Variants in ARK2N observed in about 807,000 individuals in gnomAD.
ARK2N encodes the protein arkadia (RNF111) N-terminal like PKA signaling regulator 2N, also known as protein ARK2N.
At chr18:46,200,077 T>C in the ARK2N span, among the ~76,000 whole-genome samples, 1 of 150,828 alleles carries the variant, frequency 6.6e-6, no homozygotes, top group Non-Finnish European at 1.5e-5. Flanking sequence ...TGTGTGTGTG[T>C]GTGTGTGTGT....
At chr18:46,217,776 C>T in the ARK2N span, 2 of 152,076 alleles carry the variant, frequency 1.3e-5, no homozygotes, top group Admixed American at 6.6e-5. Flanking sequence ...ATGCTTTTTA[C>T]TGTTTTAATA....
chr18:46,188,212 A>T, the ARK2N span, among the ~76,000 whole-genome samples: 6 of 152,052 alleles, frequency 3.9e-5, no homozygotes, highest in Non-Finnish European at 5.9e-5. Context: ...ATATATATAT[A>T]TTTTTGAGAC....
chr18:46,226,713 A>G, the ARK2N span, among the ~76,000 whole-genome samples: 1,452 of 152,250 alleles, frequency 9.5e-3, 8 homozygotes, highest in Middle Eastern at 0.027. Context: ...ATACTGTGAG[A>G]CACAGCTAAA....
At chr18:46,208,219 A>G in the ARK2N span, among the ~76,000 whole-genome samples, 1 of 152,144 alleles carries the variant, frequency 6.6e-6, no homozygotes, top group South Asian at 2.1e-4. Flanking sequence ...TAGTCCTCTG[A>G]TAAACTTCAG....
At chr18:46,180,513 C>T in the ARK2N span, among the ~76,000 whole-genome samples, 1 of 151,880 alleles carries the variant, frequency 6.6e-6, no homozygotes, top group East Asian at 1.9e-4. Context: ...TTGAGACCAG[C>T]CTGACCAACT....
At chr18:46,246,681 A>G in the ARK2N span, among the ~76,000 whole-genome samples, 2 of 32,612 alleles carry the variant, frequency 6.1e-5, no homozygotes, top group Non-Finnish European at 1.6e-4. Context: ...GGAGGCTCAC[A>G]CCTGTAATCC....
chr18:46,250,524 C>A, the ARK2N span, among the ~76,000 whole-genome samples: 1 of 33,452 alleles, frequency 3.0e-5, no homozygotes, highest in Non-Finnish European at 8.0e-5. Context: ...ACAGTATTTT[C>A]CATTGTTTTT....
At chr18:46,200,783 AT>A in the ARK2N span, among the ~76,000 whole-genome samples, 6,684 of 149,148 alleles carry the variant, frequency 0.045, 333 homozygotes, top group African/African-American at 0.12. Flanking sequence ...TGATTACATC[AT>A]TTTTTTTTTG....
At chr18:46,256,153 C>G in the ARK2N span, among the ~76,000 whole-genome samples, 1 of 152,132 alleles carries the variant, frequency 6.6e-6, no homozygotes, top group Non-Finnish European at 1.5e-5. Flanking sequence ...TCACCAACTT[C>G]CTTTTGAGTT....
chr18:46,192,566 A>G, the ARK2N span, among the ~76,000 whole-genome samples: 2 of 149,362 alleles, frequency 1.3e-5, no homozygotes, highest in Non-Finnish European at 3.0e-5. Context: ...ACAGAGCAAG[A>G]CTCCATCTCA....
chr18:46,196,231 C>G, the ARK2N span, among the ~76,000 whole-genome samples: 3 of 151,858 alleles, frequency 2.0e-5, no homozygotes, highest in African/African-American at 7.3e-5. Context: ...CCACCCGCCT[C>G]GGCCTCCCAA....
the ARK2N span, among the ~76,000 whole-genome samples, chr18:46,255,740 C>T: frequency 4.0e-5 from 6 of 151,772 alleles, no homozygotes; most frequent in South Asian, 4.2e-4. Context: ...CATGAGCCAC[C>T]GCGCTTGGCC....
At chr18:46,242,314 A>G in the ARK2N span, among the ~76,000 whole-genome samples, 6 of 152,176 alleles carry the variant, frequency 3.9e-5, no homozygotes, top group Non-Finnish European at 7.3e-5. Flanking sequence ...ATTGAACCGT[A>G]TGGAATTGTT....
chr18:46,202,794 A>G, the ARK2N span, among the ~76,000 whole-genome samples: 1 of 150,928 alleles, frequency 6.6e-6, no homozygotes, highest in Non-Finnish European at 1.5e-5. Context: ...TCGCAAAAAA[A>G]TAAAAATTAA....
At chr18:46,232,814 C>G in the ARK2N span, 1 of 152,108 alleles carries the variant, frequency 6.6e-6, no homozygotes, top group Non-Finnish European at 1.5e-5. Context: ...CCTAATATAA[C>G]TTTAAGATTT....
the ARK2N span, chr18:46,216,778 A>G: frequency 1.7e-6 from 1 of 573,070 alleles, no homozygotes; most frequent in Non-Finnish European, 3.0e-6. This position sits in a 1 kb window ranked among gnomAD's most constrained non-coding sequence, Gnocchi z 4.3. Flanking sequence ...TTTCCAGTGA[A>G]CTTTAGCACA....
the ARK2N span, among the ~76,000 whole-genome samples, chr18:46,175,842 A>G: frequency 1.3e-5 from 2 of 152,160 alleles, no homozygotes; most frequent in African/African-American, 4.8e-5. Context: ...TTTTCTGACA[A>G]CTTTTTGTGG....
At chr18:46,216,644 C>T in the ARK2N span, 2 of 1,465,630 alleles carry the variant, frequency 1.4e-6, no homozygotes, top group Non-Finnish European at 9.2e-7. This position sits in a 1 kb window ranked among gnomAD's most constrained non-coding sequence, Gnocchi z 4.3. Flanking sequence ...TGGCATTTCT[C>T]AGCTATCAGG....
the ARK2N span, chr18:46,216,625 A>G: frequency 5.0e-5 from 78 of 1,551,734 alleles, no homozygotes; most frequent in African/African-American, 9.6e-4. The surrounding 1 kb of genome is among the most constrained non-coding windows in gnomAD (Gnocchi z 4.3). Context: ...CTGACTGTAA[A>G]GTACCTGATG....
Sources: allele counts gnomAD v4.1 joint callset (sites outside exome capture counted in the v4.1 genomes callset), GRCh38; gene constraint gnomAD v4.1.1; non-coding constraint Gnocchi (gnomAD v3.1); transcripts MANE v1.5; gene names NCBI Gene and HGNC (gene_info 2026-07-23, HGNC 2026-07-21).